The following MPDZ variants were observed in gnomAD, a reference collection of about 807,000 sequenced individuals.
The protein encoded by MPDZ is multiple PDZ domain protein.
Under a neutral mutation model 239.1 loss-of-function variants are expected in MPDZ, and 234 were observed. That is an observed-to-expected ratio of 0.98 (90% confidence interval 0.88 to 1.09). MPDZ has a LOEUF of 1.09. Among genes scored for constraint, MPDZ ranks in the 50% least tolerant of loss-of-function variants. The pLI is 0.00. For synonymous variants in MPDZ, 1,048 were observed against 881.3 expected (o/e 1.19, Z -3.35); for missense variants, 3,175 against 2,510.0 (o/e 1.26, Z -5.66).
At chr9:13,147,865 C>A (rs1027132543) in intron 25 of MPDZ, among the ~76,000 whole-genome samples, 2 of 151,982 alleles carry the variant, frequency 1.3e-5, no homozygotes, top group Non-Finnish European at 2.9e-5. Context: ...ATCTCTGTCT[C>A]CAATAATCAG....
At chr9:13,114,258 C>A (rs909882270) in intron 40 of MPDZ, among the ~76,000 whole-genome samples, 7 of 152,066 alleles carry the variant, frequency 4.6e-5, no homozygotes, top group African/African-American at 1.7e-4. Context: ...TCCAATCTAC[C>A]TAAAATTTTA....
At position 13,190,300 on chromosome 9, in the gene MPDZ, C is replaced by G. The variant is rs780133115; in HGVS notation, c.1969-1G>C. The G allele has an allele frequency of 1.3e-6, 2 of 1,559,004 alleles. No individual in the cohort carries two copies. Among genetic ancestry groups the G allele is most frequent in the Admixed American group, 3.6e-5 (2 of 54,876 alleles). On this transcript the variant is annotated splice_acceptor_variant, in intron 15 of 46. Transcript: ENST00000319217. LOFTEE classifies it high-confidence loss of function. ...TGAACTCACCTAGATCTACGTGAGGCTGGATAATATCAGACAGCTCTTATT... is the reference window on the plus strand; with the variant it reads ...TGAACTCACCTAGATCTACGTGAGGGTGGATAATATCAGACAGCTCTTATT...
At chr9:13,174,487 G>C (rs1952202985) in intron 21 of MPDZ, among the ~76,000 whole-genome samples, 1 of 152,108 alleles carries the variant, frequency 6.6e-6, no homozygotes, top group Non-Finnish European at 1.5e-5. Flanking sequence ...TGCTACATTT[G>C]ATAATCTCTT....
At position 13,188,875 on chromosome 9, in the gene MPDZ, T is replaced by G. The variant is rs1935425104; in HGVS notation, c.2273A>C (p.Asn758Thr). 1 of 1,613,440 alleles carries G rather than the reference T, an allele frequency of 6.2e-7. No homozygotes were observed. Among genetic ancestry groups the G allele is most frequent in the South Asian group, 1.1e-5 (1 of 91,074 alleles). Residue 758 changes from asparagine to threonine, a missense_variant, in exon 17 of 47, where the codon AAC (asparagine) becomes ACC (threonine). Transcript: ENST00000319217. Reference sequence around the variant, plus strand: ...TTCCTCAAGACTGCTGTTTTCCAAGTTAACATCGTTTACAAACATGAGTCG... The same window carrying G: ...TTCCTCAAGACTGCTGTTTTCCAAGGTAACATCGTTTACAAACATGAGTCG... ...GDRLMFVNDV[N>T]LENSSLEEAV... is the part of the protein sequence containing the mutation.
chr9:13,176,342 G>T lies in MPDZ; in HGVS notation c.2725C>A (p.Leu909Met), dbSNP rs963006270. The change falls in exon 20 of 47, where the codon CTG becomes ATG. Residue 909 changes from leucine to methionine, a missense_variant. Coordinates refer to ENST00000319217, the MANE Select transcript of MPDZ (RefSeq NM_001378778.1). ...SLEELYTQNL[L>M]QRQDENTPSV... The stretch of plus-strand genomic sequence containing the variant: ...GGTGTATTCTCATCCTGTCTTTGCA[G>T]GAGATTCTGGGTATATAGTTCCTCC... 6.2e-7 allele frequency: 1 copy of T among 1,607,772 alleles called. No homozygotes were observed. The highest frequency in any genetic ancestry group is 8.5e-7 in the Non-Finnish European group (1 of 1,176,728).
intron 23 of MPDZ, among the ~76,000 whole-genome samples, chr9:13,158,866 T>A (rs1950138790): frequency 6.6e-6 from 1 of 152,186 alleles, no homozygotes; most frequent in Non-Finnish European, 1.5e-5. Context: ...ATACTTTGTA[T>A]CAATAAATGA....
chr9:13,241,908 C>T (rs1965501207), intron 3 of MPDZ, among the ~76,000 whole-genome samples: 1 of 152,122 alleles, frequency 6.6e-6, no homozygotes, highest in African/African-American at 2.4e-5. Flanking sequence ...ACTCTGCTTA[C>T]CTCAGATATT....
intron 32 of MPDZ, among the ~76,000 whole-genome samples, chr9:13,131,569 C>T (rs192388691): frequency 6.9e-4 from 105 of 152,232 alleles, no homozygotes; most frequent in Middle Eastern, 3.4e-3. Context: ...TGTTCTGTAG[C>T]GAGCCCTGTA....
intron 22 of MPDZ, among the ~76,000 whole-genome samples, chr9:13,167,507 G>C (rs1369923578): frequency 2.0e-5 from 3 of 152,128 alleles, no homozygotes; most frequent in Middle Eastern, 3.4e-3. Flanking sequence ...CTTTGCAAAA[G>C]GACTAGTAAT....
intron 10 of MPDZ, among the ~76,000 whole-genome samples, chr9:13,213,682 A>C (rs918845062): frequency 9.2e-5 from 14 of 152,116 alleles, no homozygotes; most frequent in African/African-American, 3.4e-4. Context: ...AGTGAAGTCA[A>C]GTGATTTTAT....
chr9:13,187,059 C>T (rs1057112269), intron 17 of MPDZ, among the ~76,000 whole-genome samples: 45 of 152,160 alleles, frequency 3.0e-4, no homozygotes, highest in African/African-American at 8.9e-4. Flanking sequence ...CACTCTCAGA[C>T]GAAATGGGCT....
chr9:13,143,529 G>A lies in MPDZ; in HGVS notation c.3777C>T (p.Tyr1259=), dbSNP rs563121141. 1.2e-6 allele frequency: 2 copies of A among 1,613,050 alleles called. No homozygotes were observed. The highest frequency in any genetic ancestry group is 1.7e-5 in the Admixed American group (1 of 59,986). The change falls in exon 27 of 47, where the codon TAC becomes TAT. Residue 1259 remains tyrosine, a synonymous_variant. Transcript: ENST00000319217. ...TAGTGCTGCTGAAGTTGTACTTAGGGTAAAGGTTGTGCAGCAAGGAAGGCA... is the reference window on the plus strand; with the variant it reads ...TAGTGCTGCTGAAGTTGTACTTAGGATAAAGGTTGTGCAGCAAGGAAGGCA... ...SPLPSLLHNL[Y]PKYNFSSTNP... is the part of the protein sequence containing the mutation.
Position 13,186,370 on chromosome 9 carries a change from C to A in MPDZ, c.2381G>T (p.Gly794Val), listed in dbSNP as rs1011687560. The A allele has an allele frequency of 1.3e-6, 2 of 1,577,746 alleles. No individual in the cohort carries two copies. Among genetic ancestry groups the A allele is most frequent in the Non-Finnish European group, 1.7e-6 (2 of 1,160,416 alleles). Residue 794 changes from glycine to valine, a missense_variant, in exon 18 of 47, where the codon GGT (glycine) becomes GTT (valine). Coordinates refer to ENST00000319217, the MANE Select transcript of MPDZ (RefSeq NM_001378778.1). ...GGAATCCTCCTTAGCAGAAACATAA[C>A]CTTCTTCTGGTGAAAGCTGCAGGGA... ...AKPLPLSPEE[G>V]YVSAKEDSFL...
intron 16 of MPDZ, 85 bp from the exon 17 acceptor site, chr9:13,189,078 AG>A: frequency 1.7e-6 from 2 of 1,160,044 alleles, no homozygotes; most frequent in Non-Finnish European, 2.4e-6. Context: ...GTAACGAATG[AG>A]TAATTGTCTC....
intron 19 of MPDZ, among the ~76,000 whole-genome samples, chr9:13,179,416 G>C (rs1952971546): frequency 6.6e-6 from 1 of 152,064 alleles, no homozygotes; most frequent in Non-Finnish European, 1.5e-5. Flanking sequence ...TTGTTAGCTG[G>C]GGTGTACTGT....
chr9:13,259,904 G>A (rs1159549886), intron 1 of MPDZ, among the ~76,000 whole-genome samples: 2 of 151,996 alleles, frequency 1.3e-5, no homozygotes, highest in Non-Finnish European at 2.9e-5. Flanking sequence ...CACAATCTCG[G>A]CTCACTGCAA....
At chr9:13,206,205 A>T in intron 10 of MPDZ, 106 bp from the exon 11 acceptor site, 10 of 1,047,820 alleles carry the variant, frequency 9.5e-6, no homozygotes, top group Non-Finnish European at 1.3e-5. Flanking sequence ...AAAAGAATGG[A>T]GAATAAGTAT....
intron 42 of MPDZ, among the ~76,000 whole-genome samples, 189 bp downstream of exon 42, chr9:13,112,822 T>C (rs918086804): frequency 5.9e-5 from 9 of 152,210 alleles, no homozygotes; most frequent in Non-Finnish European, 1.2e-4. Flanking sequence ...CAAACAACGA[T>C]TTTTCAAATG....
At chr9:13,269,507 A>G (rs2139187977) in intron 1 of MPDZ, among the ~76,000 whole-genome samples, 1 of 152,274 alleles carries the variant, frequency 6.6e-6, no homozygotes, top group Admixed American at 6.5e-5. Flanking sequence ...GTACATATAG[A>G]GAGGAGCATA....
Sources: allele counts gnomAD v4.1 joint callset (sites outside exome capture counted in the v4.1 genomes callset), GRCh38; gene constraint gnomAD v4.1.1; transcripts MANE v1.5; gene names NCBI Gene and HGNC (gene_info 2026-07-23, HGNC 2026-07-21).